Variants in SLC2A7 observed in about 807,000 individuals in gnomAD.
SLC2A7 encodes the protein solute carrier family 2, facilitated glucose transporter member 7.
A neutral mutation model predicts 50.5 loss-of-function variants in SLC2A7; 50 were observed. That is an observed-to-expected ratio of 0.99 (90% CI 0.79 to 1.25). SLC2A7 has a LOEUF of 1.25. Among genes scored for constraint, SLC2A7 ranks in the 50% most tolerant of loss-of-function variants. The pLI is 0.00. For missense variants in SLC2A7, 683 were observed against 679.1 expected (o/e 1.01, Z -0.06); for synonymous variants, 308 against 300.4 (o/e 1.03, Z -0.26).
At chr1:9,013,404 T>A (rs535500034) in intron 8 of SLC2A7, 121 bp downstream of exon 8, 13 of 706,334 alleles carry the variant, frequency 1.8e-5, no homozygotes, top group East Asian at 1.4e-4. Flanking sequence ...AAAGTCCATG[T>A]CCCTTAAATG....
chr1:9,004,653 C>G, intron 11 of SLC2A7, 99 bp downstream of exon 11: 1 of 1,463,000 alleles, frequency 6.8e-7, no homozygotes, highest in Non-Finnish European at 9.4e-7. Flanking sequence ...AGAGCCTGTC[C>G]CCACCTTGCT....
the SLC2A7 span, among the ~76,000 whole-genome samples, chr1:8,994,881 C>T: frequency 9.8e-4 from 149 of 151,980 alleles, no homozygotes; most frequent in Middle Eastern, 3.4e-3. Flanking sequence ...AGCGATTTTC[C>T]CACCTCAGCC....
chr1:9,024,759 G>A (rs972977282), intron 2 of SLC2A7, among the ~76,000 whole-genome samples: 2 of 152,138 alleles, frequency 1.3e-5, no homozygotes, highest in East Asian at 1.9e-4. Flanking sequence ...CAATGTGCCC[G>A]GAAAGGACGA....
chr1:9,006,023 T>C (rs1640648657), intron 10 of SLC2A7, among the ~76,000 whole-genome samples: 1 of 151,986 alleles, frequency 6.6e-6, no homozygotes, highest in African/African-American at 2.4e-5. Flanking sequence ...CAATAGTCCT[T>C]AGGTCTAAGT....
intron 2 of SLC2A7, 39 bp downstream of exon 2, chr1:9,024,925 CGACCCCGGTCAG>C: frequency 1.3e-6 from 2 of 1,592,774 alleles, no homozygotes; most frequent in Non-Finnish European, 1.7e-6. Context: ...CTTCCACCCA[CGACCCCGGTCAG>C]CTGCTGCCCG....
intron 11 of SLC2A7, among the ~76,000 whole-genome samples, chr1:9,004,495 G>A (rs969043984): frequency 2.0e-5 from 3 of 152,118 alleles, no homozygotes; most frequent in Non-Finnish European, 2.9e-5. Context: ...GTTTGCTGGC[G>A]CCTTTGAGCT....
downstream of SLC2A7, among the ~76,000 whole-genome samples, chr1:8,998,130 G>A (rs1441656521): frequency 2.6e-5 from 4 of 152,174 alleles, no homozygotes; most frequent in South Asian, 2.1e-4. Context: ...GAGGCCAGGC[G>A]TGGTGGCTAA....
chr1:9,023,920 A>G (rs1227566667), intron 2 of SLC2A7, among the ~76,000 whole-genome samples: 1 of 125,880 alleles, frequency 7.9e-6, no homozygotes, highest in Non-Finnish European at 1.6e-5. Context: ...CAGTGGCATG[A>G]TCTTGGCTCA....
chr1:9,005,271 G>T (rs141331643), intron 10 of SLC2A7, among the ~76,000 whole-genome samples: 2 of 152,312 alleles, frequency 1.3e-5, no homozygotes, highest in Admixed American at 1.3e-4. Context: ...ACTTGAGACC[G>T]CCCGCGCTTG....
At position 9,025,060 on chromosome 1, in the gene SLC2A7, C is replaced by T. The variant is rs779161530; in HGVS notation, c.66G>A (p.Thr22=). Residue 22 remains threonine, a synonymous_variant, in exon 2 of 12, where the codon ACG becomes ACA. Coordinates refer to ENST00000400906, the MANE Select transcript of SLC2A7 (RefSeq NM_207420.3). The part of the protein sequence containing the change: ...IPSREGRLQP[T]LLLATLSAAF... Reference sequence around the variant, plus strand: ...CCGCGCTCAGTGTCGCCAGCAACAGCGTCGGCTGGAGCCGCTGTAGGAGAC... The same window carrying T: ...CCGCGCTCAGTGTCGCCAGCAACAGTGTCGGCTGGAGCCGCTGTAGGAGAC... 9 of 1,612,964 alleles carry T rather than the reference C, an allele frequency of 5.6e-6. No homozygotes were observed. The South Asian group carries it at 9.9e-5, about 18-fold the overall frequency.
At chr1:9,019,431 C>A in intron 3 of SLC2A7, 98 bp from the exon 4 acceptor site, 1 of 1,504,722 alleles carries the variant, frequency 6.6e-7, no homozygotes, top group South Asian at 1.3e-5. Flanking sequence ...TACAGAGGCG[C>A]GGGGAATGTG....
chr1:9,010,286 C>T (rs367802370), intron 8 of SLC2A7, 42 bp from the exon 9 acceptor site: 9 of 1,516,004 alleles, frequency 5.9e-6, no homozygotes, highest in African/African-American at 4.1e-5. Context: ...CTTGGCCTGG[C>T]GCCCACGGTT....
intron 9 of SLC2A7, among the ~76,000 whole-genome samples, chr1:9,009,527 G>C (rs1034820106): frequency 6.6e-6 from 1 of 152,176 alleles, no homozygotes; most frequent in Non-Finnish European, 1.5e-5. Context: ...TGCGATCATG[G>C]CTCACTGCAG....
At position 9,008,208 on chromosome 1, in the gene SLC2A7, C is replaced by T. The variant is rs1640686643; in HGVS notation, c.1117-823G>A. Among the ~76,000 whole-genome samples the T allele has an allele frequency of 6.6e-6, 1 of 152,134 alleles. No homozygotes were observed. Among genetic ancestry groups the T allele is most frequent in the Non-Finnish European group, 1.5e-5 (1 of 68,032 alleles). On this transcript the variant is annotated intron_variant, in intron 9 of 11. Transcript: ENST00000400906. This position sits in a 1 kb window ranked among gnomAD's most constrained non-coding sequence, Gnocchi z 5.9. ...TGAACTTCCCAGGGAACCCTGTAGT[C>T]ACAGTTATGAGACGGCCTCAAGGGA...
chr1:8,995,265 C>T, the SLC2A7 span, among the ~76,000 whole-genome samples: 5 of 150,286 alleles, frequency 3.3e-5, no homozygotes, highest in African/African-American at 7.3e-5. Context: ...TGGCTAACAC[C>T]GTGAAACCCC....
chr1:9,013,104 C>G (rs1640773065), intron 8 of SLC2A7, among the ~76,000 whole-genome samples: 1 of 152,182 alleles, frequency 6.6e-6, no homozygotes, highest in African/African-American at 2.4e-5. Flanking sequence ...GTTGACCAGG[C>G]TGGTCTCAAA....
chr1:9,024,758 C>G (rs562812971), intron 2 of SLC2A7, among the ~76,000 whole-genome samples: 1 of 152,100 alleles, frequency 6.6e-6, no homozygotes, highest in Non-Finnish European at 1.5e-5. Flanking sequence ...CCAATGTGCC[C>G]GGAAAGGACG....
rs147603199 is a variant in SLC2A7 at position 9,014,735 on chromosome 1, C to T, written c.849G>A (p.Gln283=). 7,452 of 1,574,550 alleles carry T rather than the reference C, an allele frequency of 4.7e-3. 28 individuals carry two copies. Among genetic ancestry groups the T allele is most frequent in the Non-Finnish European group, 5.8e-3 (6,727 of 1,160,266 alleles). ...CCATGAGCACGATGATGGAGAGGAGCTGCCAGCGCAGGGACCGCAGGGCAC... is the reference window on the plus strand; with the variant it reads ...CCATGAGCACGATGATGGAGAGGAGTTGCCAGCGCAGGGACCGCAGGGCAC... The part of the protein sequence containing the change: ...HLCALRSLRW[Q]LLSIIVLMAG... The change falls in exon 7 of 12, where the codon CAG becomes CAA. Residue 283 remains glutamine (Q), a synonymous_variant. Transcript: ENST00000400906.
At chr1:9,015,344 G>A in intron 5 of SLC2A7, 102 bp from the exon 6 acceptor site, 1 of 1,401,792 alleles carries the variant, frequency 7.1e-7, no homozygotes, top group Middle Eastern at 2.6e-4. Flanking sequence ...ACCAAGGACT[G>A]TGGGGACTTC....
Sources: gnomAD v4.1 joint callset for allele counts (sites outside exome capture counted in the v4.1 genomes callset) on GRCh38, gnomAD v4.1.1 for gene constraint, Gnocchi (gnomAD v3.1) non-coding constraint, MANE v1.5 for transcripts, NCBI Gene and HGNC (gene_info 2026-07-23, HGNC 2026-07-21) for gene names.